The following ANK3 variants were observed in gnomAD, a reference collection of about 807,000 sequenced individuals.
ANK3 encodes ankyrin-3.
In ANK3, 57 loss-of-function variants were observed where a neutral mutation model predicts 370.9. The observed-to-expected ratio is 0.15, with a 90% CI of 0.12 to 0.19. The LOEUF (loss-of-function observed/expected upper bound fraction) is 0.19, where lower values mean the gene tolerates loss of function less well. Ranked by LOEUF, ANK3 falls within the 10% of genes least tolerant of loss-of-function variation. The pLI, the probability that ANK3 is intolerant of heterozygous loss-of-function variation, is 1.00. For synonymous variants in ANK3, 1,929 were observed against 1,946.3 expected (o/e 0.99, Z 0.23); for missense variants, 4,439 against 5,302.1 (o/e 0.84, Z 5.06).
intron 7 of ANK3, among the ~76,000 whole-genome samples, chr10:60,253,922 G>A (rs2097701272): frequency 6.6e-6 from 1 of 152,058 alleles, no homozygotes; most frequent in South Asian, 2.1e-4. Flanking sequence ...TGCTATAAGT[G>A]GTTTTTATTT....
intron 2 of ANK3, among the ~76,000 whole-genome samples, chr10:60,408,356 G>A (rs549105972): frequency 3.3e-5 from 5 of 152,158 alleles, no homozygotes; most frequent in South Asian, 4.2e-4. Context: ...GATCGTCCCC[G>A]CTTTGTACTG....
At chr10:60,103,616 A>T (rs1292199621) in intron 28 of ANK3, among the ~76,000 whole-genome samples, 2 of 152,196 alleles carry the variant, frequency 1.3e-5, no homozygotes, top group East Asian at 3.9e-4. Context: ...CTGAGCTTCA[A>T]TTATAAAATG....
intron 2 of ANK3, among the ~76,000 whole-genome samples, chr10:60,415,930 C>CCCT (rs1555369991): frequency 7.6e-6 from 1 of 132,050 alleles, no homozygotes; most frequent in Non-Finnish European, 1.7e-5. Context: ...CCCACCCCCC[C>CCCT]GCCATTCATG....
chr10:60,551,822 T>TCATATTCA (rs1236698373), intron 2 of ANK3, among the ~76,000 whole-genome samples: 1 of 152,172 alleles, frequency 6.6e-6, no homozygotes, highest in Non-Finnish European at 1.5e-5. Context: ...TAATACTTCT[T>TCATATTCA]CATATTCAGA....
intron 1 of ANK3, among the ~76,000 whole-genome samples, chr10:60,326,282 TA>T (rs1164457011): frequency 1.3e-5 from 2 of 151,182 alleles, no homozygotes; most frequent in African/African-American, 4.9e-5. Context: ...ACTTAAAAGT[TA>T]AAAAAATAAT....
chr10:60,261,889 G>C lies in ANK3; in HGVS notation c.768C>G (p.Asn256Lys). 6.2e-7 allele frequency: 1 copy of C among 1,614,102 alleles called. No homozygotes were observed. The highest frequency in any genetic ancestry group is 8.5e-7 in the Non-Finnish European group (1 of 1,179,978). The change falls in exon 7 of 44, where the codon AAC (asparagine) becomes AAG (lysine). Residue 256 changes from asparagine (N) to lysine (K), a missense_variant. Asn to Lys is a moderately conservative substitution (Grantham distance 94, BLOSUM62 0). Around this residue, in one of 13 missense-constraint regions of ANK3, gnomAD observed 227 missense variants for 377.6 expected, o/e 0.60. Transcript: ENST00000280772. ...GNINVATLLL[N>K]RAAAVDFTAR... The stretch of plus-strand genomic sequence containing the variant: ...CGGTGAAATCCACAGCAGCCGCTCG[G>C]TTTAACAGCAACGTGGCTACATTGA...
chr10:60,135,644 A>G (rs1391430935), intron 24 of ANK3, among the ~76,000 whole-genome samples: 1 of 152,254 alleles, frequency 6.6e-6, no homozygotes, highest in Admixed American at 6.5e-5. Flanking sequence ...TGAACCAGCC[A>G]GACTTTGGCT....
intron 2 of ANK3, among the ~76,000 whole-genome samples, chr10:60,581,746 C>T (rs1373741155): frequency 2.0e-5 from 3 of 151,972 alleles, no homozygotes; most frequent in Non-Finnish European, 2.9e-5. Context: ...CCATTTTGCC[C>T]ATTTTTTAAT....
intron 1 of ANK3, among the ~76,000 whole-genome samples, chr10:60,335,642 T>A (rs1278587547): frequency 6.6e-6 from 1 of 151,960 alleles, no homozygotes; most frequent in African/African-American, 2.4e-5. Flanking sequence ...ACAGATGGAG[T>A]GATCAGAATT....
intron 2 of ANK3, among the ~76,000 whole-genome samples, chr10:60,423,489 A>G (rs1231084942): frequency 6.6e-6 from 1 of 151,832 alleles, no homozygotes; most frequent in African/African-American, 2.4e-5. Context: ...AACTATAACA[A>G]TATACTAGCT....
intron 1 of ANK3, among the ~76,000 whole-genome samples, chr10:60,713,499 A>C (rs901214148): frequency 1.3e-5 from 2 of 152,190 alleles, no homozygotes; most frequent in Non-Finnish European, 2.9e-5. Flanking sequence ...GAAATATATC[A>C]GAAAAAAGAC....
chr10:60,136,172 A>G (rs1246710427), intron 24 of ANK3, among the ~76,000 whole-genome samples: 1 of 152,008 alleles, frequency 6.6e-6, no homozygotes, highest in Non-Finnish European at 1.5e-5. Flanking sequence ...ATACAGTAGA[A>G]GCTTCCTAAG....
At chr10:60,581,963 T>C in intron 2 of ANK3, among the ~76,000 whole-genome samples, 1 of 152,258 alleles carries the variant, frequency 6.6e-6, no homozygotes, top group African/African-American at 2.4e-5. Flanking sequence ...GAGTTCATGT[T>C]ATTTGCAGGG....
At chr10:60,549,693 T>C (rs1052699205) in intron 2 of ANK3, among the ~76,000 whole-genome samples, 1 of 152,254 alleles carries the variant, frequency 6.6e-6, no homozygotes, top group Admixed American at 6.5e-5. Flanking sequence ...GGAATGGAAA[T>C]TATATGTTGA....
At chr10:60,511,733 A>G (rs2211220) in intron 2 of ANK3, among the ~76,000 whole-genome samples, 111,160 of 151,668 alleles carry the variant, frequency 0.73, 40,737 homozygotes, top group South Asian at 0.88. Flanking sequence ...AGTACCAGAA[A>G]GAACTCCTGC....
rs1406283976 is a variant in ANK3 at position 60,226,496 on chromosome 10, CT to C, written c.897+8191del. On this transcript the variant is annotated intron_variant, in intron 8 of 43. Transcript: ENST00000280772. ...TATATATACTATATATATACATATA[CT>C]ATAGTATATATACATAGTATATATA... is the stretch of plus-strand genomic sequence containing the variant. 4.1e-3 allele frequency among the ~76,000 whole-genome samples: 327 copies of C among 80,658 alleles called. 6 individuals carry two copies. Among genetic ancestry groups the C allele is most frequent in the Non-Finnish European group, 5.6e-3 (276 of 49,694 alleles). 52.9% of individuals were successfully genotyped at this position (80,658 alleles called of 152,430 possible).
chr10:60,493,203 T>C (rs1032473555), intron 2 of ANK3, among the ~76,000 whole-genome samples: 2 of 152,030 alleles, frequency 1.3e-5, no homozygotes, highest in African/African-American at 4.8e-5. Flanking sequence ...TCCTGCTATA[T>C]AATGGCTAGG....
intron 41 of ANK3, among the ~76,000 whole-genome samples, chr10:60,057,538 C>T (rs144463029): frequency 1.2e-4 from 18 of 152,284 alleles, no homozygotes; most frequent in Non-Finnish European, 2.6e-4. Flanking sequence ...TCCAAGCATA[C>T]TGTGAAGATC....
intron 2 of ANK3, among the ~76,000 whole-genome samples, chr10:60,490,520 C>T (rs2075468968): frequency 6.6e-6 from 1 of 152,146 alleles, no homozygotes; most frequent in Admixed American, 6.6e-5. Context: ...CATGACCAAC[C>T]AGCCATTATC....
Sources: allele counts gnomAD v4.1 joint callset (sites outside exome capture counted in the v4.1 genomes callset), GRCh38; gene constraint gnomAD v4.1.1; regional missense constraint gnomAD v4.1.1; transcripts MANE v1.5; gene names NCBI Gene and HGNC (gene_info 2026-07-23, HGNC 2026-07-21).